The following NHLRC3 variants were observed in gnomAD, a reference collection of about 807,000 sequenced individuals.
NHLRC3 encodes the protein NHL repeat containing 3, also known as NHL repeat-containing protein 3.
In NHLRC3, 23 loss-of-function variants were observed where a neutral mutation model predicts 32.0. The ratio of observed to expected loss-of-function variants is 0.72; its 90% CI spans 0.52 to 1.02. The LOEUF is 1.02. Ranked by LOEUF, NHLRC3 falls within the 50% of genes least tolerant of loss-of-function variation. NHLRC3 has a pLI of 0.00. For missense variants in NHLRC3, 407 were observed against 406.8 expected, an observed-to-expected ratio of 1.00 and a Z score of -0.01; for synonymous variants, 159 against 147.9, an observed-to-expected ratio of 1.08 and a Z score of -0.55.
chr13:39,038,993 ATTTCT>A, intron 1 of NHLRC3, 138 bp from the exon 2 acceptor site: 1 of 694,810 alleles, frequency 1.4e-6, no homozygotes. Context: ...ATCTAAGCTC[ATTTCT>A]TTGGAATTAT....
intron 1 of NHLRC3, 107 bp from the exon 2 acceptor site, chr13:39,039,029 G>C: frequency 1.1e-6 from 1 of 897,346 alleles, no homozygotes; most frequent in African/African-American, 1.7e-5. Context: ...CAAACTTCTA[G>C]TTGTCAAGGC....
rs1286736403 is a variant in NHLRC3 at position 39,039,122 on chromosome 13, T to A, written c.85-14T>A. On this transcript the variant is annotated splice_polypyrimidine_tract_variant and intron_variant, in intron 1 of 6. Transcript: ENST00000379600. ...GACGGTAAACTAAATCTGAATTGTCTGATTTTGTTTAAGGTTTTGAGGAAC... is the reference window on the plus strand; with the variant it reads ...GACGGTAAACTAAATCTGAATTGTCAGATTTTGTTTAAGGTTTTGAGGAAC... The A allele has an allele frequency of 6.6e-7, 1 of 1,513,264 alleles. No individual in the cohort carries two copies. Among genetic ancestry groups the A allele is most frequent in the Admixed American group, 1.8e-5 (1 of 56,654 alleles). 93.7% of individuals were successfully genotyped at this position (1,513,264 alleles called of 1,614,324 possible).
chr13:39,043,407 G>A (rs915498216), intron 4 of NHLRC3, among the ~76,000 whole-genome samples: 1 of 152,080 alleles, frequency 6.6e-6, no homozygotes, highest in Non-Finnish European at 1.5e-5. Flanking sequence ...CTGCCTTGCC[G>A]CTTCTAGTTT....
chr13:39,049,777 C>T lies in NHLRC3; in HGVS notation c.*1851C>T, dbSNP rs1325555846. 2 of 151,922 alleles carry T rather than the reference C, an allele frequency of 1.3e-5. No individual in the cohort carries two copies. Among genetic ancestry groups the T allele is most frequent in the African/African-American group, 4.8e-5 (2 of 41,354 alleles). 9.4% of individuals were successfully genotyped at this position (151,922 alleles called of 1,614,324 possible). Reference sequence around the variant, plus strand: ...TGAAATTTCAAAATGTTTTATTTTACTTTGTTTTATTAAGCCAGGACAAGA... The same window carrying T: ...TGAAATTTCAAAATGTTTTATTTTATTTTGTTTTATTAAGCCAGGACAAGA... On this transcript the variant is annotated 3_prime_UTR_variant, in exon 7 of 7. Coordinates refer to ENST00000379600, the MANE Select transcript of NHLRC3 (RefSeq NM_001012754.4).
chr13:39,042,102 T>C lies in NHLRC3; in HGVS notation c.386-3T>C, dbSNP rs201377397. 11 of 1,544,672 alleles carry C rather than the reference T, an allele frequency of 7.1e-6. No homozygotes were observed. Among genetic ancestry groups the C allele is most frequent in the Non-Finnish European group, 9.8e-6 (11 of 1,117,238 alleles). On this transcript the variant is annotated splice_polypyrimidine_tract_variant and splice_region_variant and intron_variant, in intron 3 of 6. Coordinates refer to ENST00000379600, the MANE Select transcript of NHLRC3 (RefSeq NM_001012754.4). ...TGTGAGATGTACATATCTATCTTTA[T>C]AGGATTCTTTGGTCATACTGTTAAA...
At chr13:39,044,786 A>T (rs1871605934) in intron 5 of NHLRC3, among the ~76,000 whole-genome samples, 1 of 152,188 alleles carries the variant, frequency 6.6e-6, no homozygotes, top group Non-Finnish European at 1.5e-5. Flanking sequence ...CATAGATCTC[A>T]CTTCTTTGAG....
chr13:39,043,485 C>T (rs554108008), intron 4 of NHLRC3, among the ~76,000 whole-genome samples: 83 of 152,206 alleles, frequency 5.5e-4, no homozygotes, highest in Admixed American at 1.7e-3. Flanking sequence ...ATTCACATGG[C>T]GGCCCCTTCT....
intron 1 of NHLRC3, 71 bp from the exon 2 acceptor site, chr13:39,039,065 C>G: frequency 5.7e-6 from 4 of 696,680 alleles, no homozygotes; most frequent in South Asian, 1.6e-5. Context: ...CCCTGTTACC[C>G]GGCCCCCCCG....
At chr13:39,041,659 C>T (rs977451899) in intron 3 of NHLRC3, 1 of 154,118 alleles carries the variant, frequency 6.5e-6, no homozygotes, top group Non-Finnish European at 1.4e-5. Context: ...CCATAGAGAA[C>T]GTTTTTGTTG....
At chr13:39,042,421 A>G (rs879520747) in intron 4 of NHLRC3, 116 bp downstream of exon 4, 2 of 617,646 alleles carry the variant, frequency 3.2e-6, no homozygotes, top group Admixed American at 6.4e-5. Context: ...AGCTAAGTGT[A>G]TTACTACGAG....
At position 39,039,152 on chromosome 13, in the gene NHLRC3, C is replaced by G. The variant is rs1161116562; in HGVS notation, c.101C>G (p.Thr34Ser). 1.4e-6 allele frequency: 2 copies of G among 1,476,098 alleles called. No homozygotes were observed. The highest frequency in any genetic ancestry group is 1.8e-6 in the Non-Finnish European group (2 of 1,093,346). 91.4% of individuals were successfully genotyped at this position (1,476,098 alleles called of 1,614,324 possible). A position where few individuals can be genotyped will look rare whatever the true frequency, so the allele number is the denominator to read the frequency against. Residue 34 changes from threonine to serine, a missense_variant, in exon 2 of 7, where the codon ACT (threonine) becomes AGT (serine). Physicochemically the swap from Thr to Ser is moderately conservative, Grantham distance 58. Coordinates refer to ENST00000379600, the MANE Select transcript of NHLRC3 (RefSeq NM_001012754.4). ...TTGTTTAAGGTTTTGAGGAACTTTA[C>G]TTTTGCAGTTTCCTGGAGAACTGAG... ...FCGSPVLRNF[T>S]FAVSWRTEKI...
chr13:39,046,918 C>T (rs1853216897), intron 5 of NHLRC3, 122 bp from the exon 6 acceptor site: 1 of 714,782 alleles, frequency 1.4e-6, no homozygotes, highest in Non-Finnish European at 2.4e-6. Context: ...TGGGACTTAA[C>T]TACCTTCTTT....
At chr13:39,042,008 ATTTAC>A in intron 3 of NHLRC3, 92 bp from the exon 4 acceptor site, 2 of 672,234 alleles carry the variant, frequency 3.0e-6, no homozygotes, top group East Asian at 2.7e-5. Context: ...ATTTGTTATT[ATTTAC>A]TTCTATCAAA....
chr13:39,039,201 G>A lies in NHLRC3; in HGVS notation c.150G>A (p.Val50=). 2.5e-6 allele frequency: 4 copies of A among 1,613,676 alleles called. No individual in the cohort carries two copies. The highest frequency in any genetic ancestry group is 1.1e-5 in the South Asian group (1 of 91,070). ...RTEKILYRLD[V]GWPKHPEYFT... ...AGAAAATTCTTTACCGGCTGGATGT[G>A]GGTTGGCCTAAGCACCCAGAATATT... Residue 50 remains valine (V), a synonymous_variant, in exon 2 of 7, where the codon GTG becomes GTA. Coordinates refer to ENST00000379600, the MANE Select transcript of NHLRC3 (RefSeq NM_001012754.4).
chr13:39,039,351 C>A (rs1593549116), intron 2 of NHLRC3, 63 bp downstream of exon 2: 1 of 1,335,870 alleles, frequency 7.5e-7, no homozygotes, highest in Non-Finnish European at 1.1e-6. Flanking sequence ...TCCTGTCTTG[C>A]TGTAGTAACT....
chr13:39,046,123 A>C (rs1050914890), intron 5 of NHLRC3, among the ~76,000 whole-genome samples: 1 of 152,058 alleles, frequency 6.6e-6, no homozygotes, highest in African/African-American at 2.4e-5. Flanking sequence ...AGGTCAGGAG[A>C]TCGAGACCAT....
rs187351379 is a variant in NHLRC3 at position 39,041,946 on chromosome 13, G to A, written c.386-159G>A. 7.2e-4 allele frequency: 382 copies of A among 532,826 alleles called. 3 individuals are homozygous for A. Among genetic ancestry groups the A allele is most frequent in the African/African-American group, 6.4e-3 (337 of 52,652 alleles). 33.0% of individuals were successfully genotyped at this position (532,826 alleles called of 1,614,324 possible). On this transcript the variant is annotated intron_variant, in intron 3 of 6. Coordinates refer to ENST00000379600, the MANE Select transcript of NHLRC3 (RefSeq NM_001012754.4). ...GTGATCAAATTTGGCTGTAATTTACGAAGAAGCTATAGTGCTTGTCAATTA... is the reference window on the plus strand; with the variant it reads ...GTGATCAAATTTGGCTGTAATTTACAAAGAAGCTATAGTGCTTGTCAATTA...
chr13:39,046,318 C>CA (rs1036717895), intron 5 of NHLRC3, among the ~76,000 whole-genome samples: 3 of 152,010 alleles, frequency 2.0e-5, no homozygotes, highest in Admixed American at 2.0e-4. Flanking sequence ...GACTCCATCT[C>CA]AAAAAATAAA....
At chr13:39,044,944 G>A (rs895604692) in intron 5 of NHLRC3, among the ~76,000 whole-genome samples, 3 of 152,202 alleles carry the variant, frequency 2.0e-5, no homozygotes, top group African/African-American at 7.2e-5. Context: ...ATGTCAGGCT[G>A]TTGAAAGTGC....
Sources: allele counts gnomAD v4.1 joint callset (sites outside exome capture counted in the v4.1 genomes callset), GRCh38; gene constraint gnomAD v4.1.1; transcripts MANE v1.5; gene names NCBI Gene and HGNC (gene_info 2026-07-23, HGNC 2026-07-21).